SMC1A: variants seen among roughly 807,000 people sequenced by gnomAD.
SMC1A encodes the protein structural maintenance of chromosomes 1A.
In SMC1A, 4 loss-of-function variants were observed where a neutral mutation model predicts 94.5. The ratio of observed to expected loss-of-function variants is 0.04; its 90% CI spans 0.02 to 0.10. The LOEUF is 0.10. Among genes scored for constraint, SMC1A ranks in the 10% least tolerant of loss-of-function variants. SMC1A has a pLI of 1.00. For missense variants in SMC1A, 304 were observed against 989.0 expected (o/e 0.31, Z 9.29); for synonymous variants, 345 against 347.7 (o/e 0.99, Z 0.09).
chrX:53,421,265 G>A (rs1556891999), intron 1 of SMC1A, among the ~76,000 whole-genome samples: 3 of 111,975 alleles, frequency 2.7e-5, no homozygotes, highest in African/African-American at 9.7e-5. Flanking sequence ...AGACAGTTTT[G>A]ATTGTCATGC....
intron 13 of SMC1A, among the ~76,000 whole-genome samples, chrX:53,404,686 G>C (rs1177496693): frequency 2.7e-5 from 3 of 111,227 alleles, no homozygotes; most frequent in African/African-American, 6.5e-5. Flanking sequence ...GTAGAGACAG[G>C]TTTGGCCAGG....
intron 19 of SMC1A, among the ~76,000 whole-genome samples, chrX:53,386,975 T>A (rs782418001): frequency 8.9e-6 from 1 of 112,095 alleles, no homozygotes; most frequent in South Asian, 3.7e-4. Context: ...AAAATTACAT[T>A]CAATAATCAA....
chrX:53,385,098 C>A (rs782578901), intron 19 of SMC1A, among the ~76,000 whole-genome samples: 2 of 109,087 alleles, frequency 1.8e-5, no homozygotes, highest in Non-Finnish European at 3.8e-5. Context: ...CAAGTAGAAG[C>A]CAGATTATAA....
chrX:53,403,463 T>C, intron 15 of SMC1A, 103 bp downstream of exon 15: 1 of 629,018 alleles, frequency 1.6e-6, no homozygotes, highest in East Asian at 3.5e-5. Context: ...ACTCACATAG[T>C]TCTAAGAGCT....
chrX:53,379,847 G>T lies in SMC1A; in HGVS notation c.*256C>A. On this transcript the variant is annotated 3_prime_UTR_variant, in exon 25 of 25. Transcript: ENST00000322213. Reference sequence around the variant, plus strand: ...ATGGGTGATGAGGGGGAGGAAGGGGGTGTGTGTGATGAACAGATGGCCCTG... The same window carrying T: ...ATGGGTGATGAGGGGGAGGAAGGGGTTGTGTGTGATGAACAGATGGCCCTG... The T allele has an allele frequency of 1.4e-5, 6 of 424,844 alleles. No individual in the cohort carries two copies. The South Asian group carries it at 1.8e-4, about 13-fold the overall frequency. 35.0% of individuals were successfully genotyped at this position (424,844 alleles called of 1,213,427 possible). A position where few individuals can be genotyped will look rare whatever the true frequency, so the allele number is the denominator to read the frequency against.
intron 19 of SMC1A, among the ~76,000 whole-genome samples, chrX:53,391,499 C>T (rs1480503213): frequency 9.1e-6 from 1 of 109,515 alleles, no homozygotes; most frequent in African/African-American, 3.3e-5. Context: ...AAAATGACTC[C>T]AACAGATTGA....
chrX:53,421,373 A>T (rs782457393), intron 1 of SMC1A, among the ~76,000 whole-genome samples: 3 of 112,297 alleles, frequency 2.7e-5, no homozygotes, highest in African/African-American at 6.5e-5. Context: ...GCAAAGGATT[A>T]TCTCGCTGGA....
chrX:53,405,272 C>T lies in SMC1A; in HGVS notation c.2031G>A (p.Lys677=). Residue 677 remains lysine, a synonymous_variant, in exon 12 of 25, where the codon AAG becomes AAA. Transcript: ENST00000322213. The part of the protein sequence containing the change: ...DEKAVDKLKE[K]KERLTEELKE... ...TCAGCTCCTCTGTCAAGCGCTCCTT[C>T]TTCTCTTTCAACTTGTCTACTGCTT... is the stretch of plus-strand genomic sequence containing the variant. 2 of 1,212,120 alleles carry T rather than the reference C, an allele frequency of 1.7e-6. No homozygotes were observed. The highest frequency in any genetic ancestry group is 2.2e-6 in the Non-Finnish European group (2 of 895,617).
At position 53,396,465 on chromosome X, in the gene SMC1A, C is replaced by T. The variant is rs1474313110; in HGVS notation, c.2708+7G>A. 3 of 1,208,865 alleles carry T rather than the reference C, an allele frequency of 2.5e-6. No homozygotes were observed. In the African/African-American group the frequency reaches 5.3e-5, roughly 21 times the overall value. On this transcript the variant is annotated splice_region_variant and intron_variant, in intron 17 of 24. Transcript: ENST00000322213. ...CGTCCTCCCACCCCAGGCCTGAACC[C>T]ACTCACTTGTTGGCGCCCCCGAGTT... is the stretch of plus-strand genomic sequence containing the variant.
chrX:53,414,090 A>C (rs782345577), intron 3 of SMC1A, among the ~76,000 whole-genome samples: 2 of 110,252 alleles, frequency 1.8e-5, no homozygotes, highest in East Asian at 2.8e-4. Flanking sequence ...AAAAAAAAAA[A>C]AAACAAGAAC....
chrX:53,401,021 A>ATTAAAAACTACTTGAGTACTTGTTCT (rs2075668720), intron 15 of SMC1A, among the ~76,000 whole-genome samples: 1 of 111,222 alleles, frequency 9.0e-6, no homozygotes, highest in Non-Finnish European at 1.9e-5. Context: ...AGTATCCAGA[A>ATTAAAAACTACTTGAGTACTTGTTCT]CAAGGCATGC....
At position 53,405,067 on chromosome X, in the gene SMC1A, T is replaced by C; in HGVS notation, c.2141A>G (p.Tyr714Cys). 8.3e-7 allele frequency: 1 copy of C among 1,204,570 alleles called. No homozygotes were observed. Among genetic ancestry groups the C allele is most frequent in the Non-Finnish European group, 1.1e-6 (1 of 891,903 alleles). Reference protein sequence around the residue: ...QAHGLQMRLKYSQSDLEQTKT... With the variant: ...QAHGLQMRLKCSQSDLEQTKT... The stretch of plus-strand genomic sequence containing the variant: ...GGTCTGTTCTAGGTCACTCTGGGAG[T>C]ACTTGAGCCGCATCTGCAGTCCATG... Residue 714 changes from tyrosine (Y) to cysteine (C), a missense_variant, in exon 13 of 25, where the codon TAC becomes TGC. Coordinates refer to ENST00000322213, the MANE Select transcript of SMC1A (RefSeq NM_006306.4).
intron 18 of SMC1A, among the ~76,000 whole-genome samples, chrX:53,395,138 T>C (rs781948845): frequency 1.5e-4 from 17 of 110,799 alleles, no homozygotes; most frequent in African/African-American, 4.3e-4. Context: ...AGGTCAGGAG[T>C]TTGAGACCAG....
At chrX:53,402,301 T>A (rs1219763843) in intron 15 of SMC1A, among the ~76,000 whole-genome samples, 1 of 110,450 alleles carries the variant, frequency 9.1e-6, no homozygotes, top group Non-Finnish European at 1.9e-5. Context: ...ATCTCCCTTG[T>A]CCCCCTTCCA....
chrX:53,412,004 C>T lies in SMC1A; in HGVS notation c.1104G>A (p.Glu368=). The T allele has an allele frequency of 2.5e-6, 3 of 1,211,692 alleles. No homozygotes were observed. Among genetic ancestry groups the T allele is most frequent in the Non-Finnish European group, 3.4e-6 (3 of 895,433 alleles). Residue 368 remains glutamate (E), a synonymous_variant, in exon 6 of 25, where the codon GAG becomes GAA. Coordinates refer to ENST00000322213, the MANE Select transcript of SMC1A (RefSeq NM_006306.4). ...SQSQGRDLTL[E]ENQVKKYHRL... ...CCCTTCCAGAGCTTACCTGATTCTC[C>T]TCCAACGTCAAATCTCTGCCCTGAC...
chrX:53,383,903 G>A (rs1464673374), intron 19 of SMC1A, among the ~76,000 whole-genome samples: 1 of 111,785 alleles, frequency 8.9e-6, no homozygotes, highest in Non-Finnish European at 1.9e-5. Context: ...CCAGAATACT[G>A]TAGGATGAAT....
At position 53,380,021 on chromosome X, in the gene SMC1A, G is replaced by C. The variant is rs1033656379; in HGVS notation, c.*82C>G. The C allele has an allele frequency of 8.1e-5, 55 of 678,236 alleles. No individual in the cohort carries two copies. Among genetic ancestry groups the C allele is most frequent in the Non-Finnish European group, 1.2e-4 (51 of 418,339 alleles). 55.9% of individuals were successfully genotyped at this position (678,236 alleles called of 1,213,427 possible). On this transcript the variant is annotated 3_prime_UTR_variant, in exon 25 of 25. Transcript: ENST00000322213. ...ACACCAAAAAGGGCCAGGAGGTAGGGGGAAGGTTGGGAGTCAAATATCCAG... is the reference window on the plus strand; with the variant it reads ...ACACCAAAAAGGGCCAGGAGGTAGGCGGAAGGTTGGGAGTCAAATATCCAG...
At chrX:53,412,864 T>C (rs1556890741) in intron 5 of SMC1A, 36 bp downstream of exon 5, 1 of 1,209,238 alleles carries the variant, frequency 8.3e-7, no homozygotes, top group Non-Finnish European at 1.1e-6. Flanking sequence ...GGCCTCTTGG[T>C]TTCCCACAAG....
At chrX:53,390,591 T>A (rs1204695317) in intron 19 of SMC1A, among the ~76,000 whole-genome samples, 2 of 110,802 alleles carry the variant, frequency 1.8e-5, no homozygotes, top group African/African-American at 3.3e-5. Context: ...ACTGTAGTAT[T>A]TTACTTTTGC....
Sources: allele counts gnomAD v4.1 joint callset (sites outside exome capture counted in the v4.1 genomes callset), GRCh38; gene constraint gnomAD v4.1.1; transcripts MANE v1.5; gene names NCBI Gene and HGNC (gene_info 2026-07-23, HGNC 2026-07-21).